The following KIAA1217 variants were observed in gnomAD, a reference collection of about 807,000 sequenced individuals.
KIAA1217 encodes KIAA1217.
In KIAA1217, 88 loss-of-function variants were observed where a neutral mutation model predicts 163.9. The ratio of observed to expected loss-of-function variants is 0.54; its 90% CI spans 0.45 to 0.64. KIAA1217 has a LOEUF of 0.64. KIAA1217 is among the 30% of genes least tolerant of loss of function. The pLI is 0.00. For synonymous variants in KIAA1217, 903 were observed against 923.1 expected (o/e 0.98, Z 0.39); for missense variants, 2,372 against 2,475.0 (o/e 0.96, Z 0.88).
intron 1 of KIAA1217, among the ~76,000 whole-genome samples, chr10:23,991,462 A>T (rs2131438908): frequency 6.6e-6 from 1 of 152,322 alleles, no homozygotes; most frequent in South Asian, 2.1e-4. Flanking sequence ...AAATAAATGG[A>T]TGCATGAAGA....
intron 5 of KIAA1217, among the ~76,000 whole-genome samples, chr10:24,442,911 A>AT (rs72335041): frequency 0.068 from 9,333 of 136,512 alleles, 679 homozygotes; most frequent in African/African-American, 0.17. Flanking sequence ...CTTTTGTGGG[A>AT]TTTTTTTTTT....
intron 1 of KIAA1217, among the ~76,000 whole-genome samples, chr10:23,999,401 T>C (rs943162807): frequency 6.6e-6 from 1 of 152,130 alleles, no homozygotes; most frequent in Non-Finnish European, 1.5e-5. Context: ...GCAGGAGCAA[T>C]GTGGCCAGGG....
At chr10:23,883,133 A>G (rs527890951) in intron 1 of KIAA1217, among the ~76,000 whole-genome samples, 42 of 151,952 alleles carry the variant, frequency 2.8e-4, no homozygotes, top group Non-Finnish European at 5.9e-4. Flanking sequence ...TCATTTCAAG[A>G]GTCAGCCAAA....
At chr10:24,365,714 T>A (rs2050689433) in intron 2 of KIAA1217, among the ~76,000 whole-genome samples, 1 of 152,178 alleles carries the variant, frequency 6.6e-6, no homozygotes, top group South Asian at 2.1e-4. Context: ...ATTTATTTAT[T>A]TTTTTAACCC....
chr10:24,449,825 C>T lies in KIAA1217; in HGVS notation c.846+11346C>T, dbSNP rs140338506. The stretch of plus-strand genomic sequence containing the variant: ...TAGAATCTTTTTTCATGCTCTGGCA[C>T]GTTTATCTTTCATTAACTTGTCTTC... On this transcript the variant is annotated intron_variant, in intron 5 of 20. Transcript: ENST00000376454. The T allele has an allele frequency of 8.3e-5, 69 of 832,150 alleles. No homozygotes were observed. In the African/African-American group the frequency reaches 9.0e-4, roughly 11 times the overall value. 51.5% of individuals were successfully genotyped at this position (832,150 alleles called of 1,614,324 possible).
intron 2 of KIAA1217, chr10:24,042,257 T>C (rs1848669173): frequency 1.3e-5 from 2 of 152,104 alleles, no homozygotes; most frequent in African/African-American, 4.8e-5. Flanking sequence ...TTTTTTTTTT[T>C]TTCTTGTTGT....
At chr10:24,432,824 C>A (rs1326373612) in intron 3 of KIAA1217, among the ~76,000 whole-genome samples, 171 bp from the exon 4 acceptor site, 1 of 152,182 alleles carries the variant, frequency 6.6e-6, no homozygotes, top group Admixed American at 6.5e-5. Flanking sequence ...AGTACTTACA[C>A]AATAACCAAA....
At chr10:23,875,307 G>C (rs1428530514) in intron 1 of KIAA1217, among the ~76,000 whole-genome samples, 1 of 152,028 alleles carries the variant, frequency 6.6e-6, no homozygotes, top group Admixed American at 6.6e-5. Flanking sequence ...CCAGGACTCT[G>C]ATAGGAGGCA....
chr10:24,364,761 C>CCTT (rs2050533786), intron 2 of KIAA1217, among the ~76,000 whole-genome samples: 1 of 151,860 alleles, frequency 6.6e-6, no homozygotes. Flanking sequence ...TGCCTTCCTT[C>CCTT]CTTTCTTTCT....
At position 24,396,860 on chromosome 10, in the gene KIAA1217, G is replaced by A. The variant is rs2055830611; in HGVS notation, c.553+15793G>A. ...GAATGTCTGCTTCATTGCAGAGGTA[G>A]GATCAGTGGCGCCACTTCAGATTTA... On this transcript the variant is annotated intron_variant, in intron 3 of 20. Coordinates refer to ENST00000376454, the MANE Select transcript of KIAA1217 (RefSeq NM_019590.5). Among the ~76,000 whole-genome samples the A allele has an allele frequency of 3.3e-5, 5 of 152,188 alleles. No individual in the cohort carries two copies. The South Asian group carries it at 1.0e-3, about 31-fold the overall frequency.
intron 2 of KIAA1217, among the ~76,000 whole-genome samples, chr10:24,179,853 G>T (rs1318975165): frequency 6.6e-6 from 1 of 152,272 alleles, no homozygotes; most frequent in Non-Finnish European, 1.5e-5. Context: ...TTCCCAAAGT[G>T]CTGGGATTGC....
chr10:23,843,321 C>T (rs1838876596), intron 1 of KIAA1217, among the ~76,000 whole-genome samples: 1 of 152,136 alleles, frequency 6.6e-6, no homozygotes, highest in Non-Finnish European at 1.5e-5. Flanking sequence ...AAAGTGGGTT[C>T]TACAAACAAG....
At chr10:24,523,731 T>C (rs2071657917) in intron 12 of KIAA1217, among the ~76,000 whole-genome samples, 1 of 152,218 alleles carries the variant, frequency 6.6e-6, no homozygotes, top group Non-Finnish European at 1.5e-5. Flanking sequence ...ATGAACTAAC[T>C]GCTATTCAAA....
At chr10:23,879,380 A>G (rs1292615380) in intron 1 of KIAA1217, among the ~76,000 whole-genome samples, 1 of 151,972 alleles carries the variant, frequency 6.6e-6, no homozygotes, top group African/African-American at 2.4e-5. Flanking sequence ...AAGGTCAAGG[A>G]TATGAGGAAG....
chr10:23,910,677 G>C (rs1365648433), intron 1 of KIAA1217, among the ~76,000 whole-genome samples: 2 of 152,204 alleles, frequency 1.3e-5, no homozygotes, highest in Admixed American at 1.3e-4. Context: ...GCCTGCAGCT[G>C]TTTTCTTTTA....
At chr10:24,182,328 C>T (rs554166058) in intron 2 of KIAA1217, among the ~76,000 whole-genome samples, 4 of 151,900 alleles carry the variant, frequency 2.6e-5, no homozygotes, top group Non-Finnish European at 4.4e-5. Context: ...GCCAGCTACG[C>T]GGGAGGCTAA....
intron 2 of KIAA1217, among the ~76,000 whole-genome samples, chr10:24,239,898 C>T (rs893889257): frequency 6.6e-6 from 1 of 151,950 alleles, no homozygotes; most frequent in Non-Finnish European, 1.5e-5. Flanking sequence ...AGGCATTTTT[C>T]CCAGACTAGA....
chr10:24,118,423 A>G (rs1179264730), intron 2 of KIAA1217, among the ~76,000 whole-genome samples: 2 of 152,246 alleles, frequency 1.3e-5, no homozygotes, highest in Non-Finnish European at 2.9e-5. Flanking sequence ...CGCCTTAACA[A>G]GTCAATTCCA....
chr10:23,993,935 A>G (rs1450985101), intron 1 of KIAA1217, among the ~76,000 whole-genome samples: 1 of 151,982 alleles, frequency 6.6e-6, no homozygotes, highest in African/African-American at 2.4e-5. Context: ...CGGTGTGCCT[A>G]AGTCTCAGCT....
Sources: allele counts gnomAD v4.1 joint callset (sites outside exome capture counted in the v4.1 genomes callset), GRCh38; gene constraint gnomAD v4.1.1; transcripts MANE v1.5; gene names NCBI Gene and HGNC (gene_info 2026-07-23, HGNC 2026-07-21).